Variants in CPNE4 observed in about 807,000 individuals in gnomAD.
The protein encoded by CPNE4 is copine-4.
CPNE4 carries 25 observed loss-of-function variants against 67.9 expected under a neutral mutation model. The observed-to-expected ratio is 0.37, with a 90% CI of 0.27 to 0.51. The LOEUF (loss-of-function observed/expected upper bound fraction) is 0.51, where lower values mean the gene tolerates loss of function less well. Among genes scored for constraint, CPNE4 ranks in the 20% least tolerant of loss-of-function variants. The pLI is 0.93. For missense variants in CPNE4, 464 were observed against 690.8 expected (o/e 0.67, Z 3.68); for synonymous variants, 242 against 244.9 (o/e 0.99, Z 0.11).
intron 7 of CPNE4, among the ~76,000 whole-genome samples, chr3:131,628,342 G>A (rs977636900): frequency 2.6e-5 from 4 of 152,172 alleles, no homozygotes; most frequent in African/African-American, 7.2e-5. Flanking sequence ...GAGGTGAAAG[G>A]CACTTCTTAC....
chr3:131,685,185 C>CATT (rs1233691045), intron 6 of CPNE4, among the ~76,000 whole-genome samples: 3 of 151,900 alleles, frequency 2.0e-5, no homozygotes, highest in Admixed American at 2.0e-4. Flanking sequence ...TGGGGGTCAT[C>CATT]ATCATCATCA....
intron 7 of CPNE4, among the ~76,000 whole-genome samples, chr3:131,630,813 T>C (rs891729262): frequency 1.3e-5 from 2 of 152,182 alleles, no homozygotes; most frequent in African/African-American, 4.8e-5. Context: ...ATAAAATGTG[T>C]GTCTTAGACT....
At chr3:131,942,449 T>TGC (rs2071417326) in intron 1 of CPNE4, among the ~76,000 whole-genome samples, 1 of 61,724 alleles carries the variant, frequency 1.6e-5, no homozygotes, top group Non-Finnish European at 3.1e-5. Context: ...TGTGTGTGTG[T>TGC]GTGTGTGTGT....
chr3:131,837,681 C>T (rs543512204), intron 2 of CPNE4, among the ~76,000 whole-genome samples: 2 of 151,926 alleles, frequency 1.3e-5, no homozygotes, highest in African/African-American at 4.8e-5. Flanking sequence ...ATATACTACC[C>T]TCCACCAAAA....
At chr3:131,566,858 T>A (rs1364323798) in intron 10 of CPNE4, among the ~76,000 whole-genome samples, 2 of 151,960 alleles carry the variant, frequency 1.3e-5, no homozygotes, top group Non-Finnish European at 2.9e-5. Context: ...GAGGAAAGCA[T>A]GTTAGTACTC....
intron 2 of CPNE4, among the ~76,000 whole-genome samples, chr3:131,760,430 C>T (rs2082857914): frequency 6.6e-6 from 1 of 152,066 alleles, no homozygotes; most frequent in African/African-American, 2.4e-5. Context: ...AATCTGACCT[C>T]TTCCTTAAAG....
At chr3:131,563,572 A>G (rs1242441067) in intron 11 of CPNE4, among the ~76,000 whole-genome samples, 2 of 152,074 alleles carry the variant, frequency 1.3e-5, no homozygotes, top group Non-Finnish European at 2.9e-5. Context: ...ATATACATAC[A>G]TGCAAACATA....
At chr3:131,915,786 G>A (rs2089159640) in intron 1 of CPNE4, among the ~76,000 whole-genome samples, 1 of 152,098 alleles carries the variant, frequency 6.6e-6, no homozygotes, top group Non-Finnish European at 1.5e-5. Flanking sequence ...CAACTTCTTG[G>A]GGAAATGTGC....
intron 3 of CPNE4, among the ~76,000 whole-genome samples, chr3:131,718,697 T>C (rs376250509): frequency 6.6e-6 from 1 of 152,210 alleles, no homozygotes; most frequent in Admixed American, 6.5e-5. Context: ...TGCTTAGTAA[T>C]ATGCATTTTG....
At chr3:131,914,852 T>C (rs2089124304) in intron 1 of CPNE4, among the ~76,000 whole-genome samples, 1 of 152,068 alleles carries the variant, frequency 6.6e-6, no homozygotes, top group South Asian at 2.1e-4. Flanking sequence ...GGTGCATGCC[T>C]GTAATCCCAG....
chr3:131,784,970 G>A (rs1020687551), intron 2 of CPNE4, among the ~76,000 whole-genome samples: 1 of 152,074 alleles, frequency 6.6e-6, no homozygotes, highest in Non-Finnish European at 1.5e-5. Flanking sequence ...AAATGGGCTT[G>A]TGTCTAAATC....
chr3:131,781,444 A>G (rs1038286442), intron 2 of CPNE4, among the ~76,000 whole-genome samples: 1 of 152,128 alleles, frequency 6.6e-6, no homozygotes, highest in Non-Finnish European at 1.5e-5. Context: ...AAAATGAAGA[A>G]ACCAGGAATG....
rs192297559 is a variant in CPNE4, at chr3:131,726,135, T to C, written c.181-2510A>G. On this transcript the variant is annotated intron_variant, in intron 2 of 15. Coordinates refer to ENST00000429747, the MANE Select transcript of CPNE4 (RefSeq NM_130808.3). ...GCTGGAAGAGAGTGCTGAATAGGTT[T>C]AGATGATAGAAGACAGGTGATGGAA... 1.7e-4 allele frequency among the ~76,000 whole-genome samples: 26 copies of C among 152,350 alleles called. 1 individual carries two copies. Among genetic ancestry groups the C allele is most frequent in the African/African-American group, 5.5e-4 (23 of 41,576 alleles).
At chr3:131,743,981 A>AAAAAAAAAAC (rs1560222926) in intron 2 of CPNE4, among the ~76,000 whole-genome samples, 18 of 148,956 alleles carry the variant, frequency 1.2e-4, no homozygotes, top group African/African-American at 4.4e-4. Context: ...AAAAAAAAAA[A>AAAAAAAAAAC]AAACAATAAA....
chr3:131,735,050 T>C (rs576716731), intron 2 of CPNE4, among the ~76,000 whole-genome samples: 9 of 152,298 alleles, frequency 5.9e-5, no homozygotes, highest in African/African-American at 2.2e-4. Flanking sequence ...CTACAAGGTC[T>C]AGGGCCCAGC....
intron 2 of CPNE4, among the ~76,000 whole-genome samples, chr3:131,856,191 T>C (rs2107655282): frequency 6.6e-6 from 1 of 152,102 alleles, no homozygotes; most frequent in Non-Finnish European, 1.5e-5. Flanking sequence ...ACATCTTTGG[T>C]GTACCCAATA....
chr3:131,942,479 A>T (rs1289778949), intron 1 of CPNE4, among the ~76,000 whole-genome samples: 6,934 of 104,458 alleles, frequency 0.066, 184 homozygotes, highest in African/African-American at 0.17. Context: ...AGAGAGAGAG[A>T]GAGAGAGAGA....
At chr3:131,801,424 G>GTGTGTA (rs1560344679) in intron 2 of CPNE4, among the ~76,000 whole-genome samples, 31 of 77,030 alleles carry the variant, frequency 4.0e-4, no homozygotes, top group South Asian at 2.1e-3. Flanking sequence ...ACGTGTGTGT[G>GTGTGTA]TGTGTGTGTG....
At chr3:132,011,956 G>A (rs780309252) in intron 1 of CPNE4, among the ~76,000 whole-genome samples, 2 of 152,086 alleles carry the variant, frequency 1.3e-5, no homozygotes, top group Non-Finnish European at 2.9e-5. Context: ...ACTTCTTTCT[G>A]TTCCTTTATG....
Sources: allele counts gnomAD v4.1 joint callset (sites outside exome capture counted in the v4.1 genomes callset), GRCh38; gene constraint gnomAD v4.1.1; transcripts MANE v1.5; gene names NCBI Gene and HGNC (gene_info 2026-07-23, HGNC 2026-07-21).